Variants in TBC1D14 observed in about 807,000 individuals in gnomAD.
The protein encoded by TBC1D14 is TBC1 domain family member 14.
TBC1D14 carries 26 observed loss-of-function variants against 79.0 expected under a neutral mutation model. The ratio of observed to expected loss-of-function variants is 0.33; its 90% CI spans 0.24 to 0.46. The LOEUF is 0.46. TBC1D14 is among the 20% of genes least tolerant of loss of function. The probability of loss-of-function intolerance (pLI) is 1.00; values close to 1 mark genes in which losing one functional copy is unlikely to be tolerated. For missense variants in TBC1D14, 769 were observed against 887.6 expected, an observed-to-expected ratio of 0.87 and a Z score of 1.70; for synonymous variants, 394 against 349.9, an observed-to-expected ratio of 1.13 and a Z score of -1.40.
chr4:6,958,581 T>C (rs1714887687), intron 2 of TBC1D14, among the ~76,000 whole-genome samples: 1 of 152,028 alleles, frequency 6.6e-6, no homozygotes, highest in Non-Finnish European at 1.5e-5. Context: ...AGGTGTGCAC[T>C]ACCACGCCTG....
rs957371123 is a variant in TBC1D14 at position 7,032,072 on chromosome 4, G to C, written c.*1680G>C. 1.3e-5 allele frequency: 2 copies of C among 152,502 alleles called. No homozygotes were observed. Among genetic ancestry groups the C allele is most frequent in the African/African-American group, 4.8e-5 (2 of 41,418 alleles). The allele number at this position is 152,502 out of a possible 1,614,324, so 9.4% of individuals were successfully genotyped here. ...TACATCTCAGCTGAATCTCCAGGGA[G>C]GCTGCAGAGCATCGTGGAGACCACT... On this transcript the variant is annotated 3_prime_UTR_variant, in exon 14 of 14. Coordinates refer to ENST00000409757, the MANE Select transcript of TBC1D14 (RefSeq NM_020773.3).
intron 2 of TBC1D14, among the ~76,000 whole-genome samples, chr4:6,929,241 T>C (rs4323102): frequency 0.55 from 83,187 of 151,858 alleles, 22,975 homozygotes; most frequent in East Asian, 0.68. Context: ...GTTTGCAGAA[T>C]GAGCTGAGGG....
At chr4:7,016,365 C>T (rs1422747427) in intron 12 of TBC1D14, among the ~76,000 whole-genome samples, 1 of 152,234 alleles carries the variant, frequency 6.6e-6, no homozygotes, top group Non-Finnish European at 1.5e-5. Flanking sequence ...ATTTTCTTCA[C>T]AGCTGTGAAC....
At chr4:6,987,223 C>A (rs1024803635) in intron 3 of TBC1D14, 3 of 1,245,358 alleles carry the variant, frequency 2.4e-6, no homozygotes, top group Non-Finnish European at 3.0e-6. Flanking sequence ...CGCCCCGCCC[C>A]GCGAGTCTGA....
chr4:6,922,753 C>T (rs1408536456), intron 1 of TBC1D14, among the ~76,000 whole-genome samples: 1 of 152,158 alleles, frequency 6.6e-6, no homozygotes, highest in Admixed American at 6.5e-5. Context: ...AAAAACCCAA[C>T]CGCCGCCCCC....
rs372143068 is a variant in TBC1D14, at chr4:7,001,098, G to A, written c.1164-47G>A. ...GGGCTAGGCACGCAGGTAGACAAAT[G>A]TCTTTGTGTGGAACAAACTCAAACT... On this transcript the variant is annotated intron_variant, in intron 6 of 13. Coordinates refer to ENST00000409757, the MANE Select transcript of TBC1D14 (RefSeq NM_020773.3). 35 of 1,552,102 alleles carry A rather than the reference G, an allele frequency of 2.3e-5. No homozygotes were observed. The African/African-American group carries it at 4.3e-4, about 19-fold the overall frequency.
intron 1 of TBC1D14, among the ~76,000 whole-genome samples, chr4:6,919,941 G>A (rs1318639809): frequency 1.3e-5 from 2 of 152,158 alleles, no homozygotes; most frequent in Admixed American, 6.5e-5. Flanking sequence ...TTGAAATAGC[G>A]TCTCGCTGTG....
At chr4:6,938,995 G>C (rs1300994767) in intron 2 of TBC1D14, among the ~76,000 whole-genome samples, 1 of 152,180 alleles carries the variant, frequency 6.6e-6, no homozygotes, top group East Asian at 1.9e-4. Context: ...CCTGAGTGCT[G>C]CATGGGAAAG....
intron 2 of TBC1D14, among the ~76,000 whole-genome samples, chr4:6,948,707 G>GTT (rs71173474): frequency 0.022 from 2,955 of 135,324 alleles, 102 homozygotes; most frequent in African/African-American, 0.075. Flanking sequence ...GGGGTACTTG[G>GTT]TTTTTTTTTT....
chr4:7,006,777 A>G, intron 9 of TBC1D14, 51 bp downstream of exon 9: 1 of 1,554,024 alleles, frequency 6.4e-7, no homozygotes, highest in Non-Finnish European at 8.9e-7. Flanking sequence ...TAAAATTCAT[A>G]GATGCTGAAC....
At chr4:6,976,894 A>C (rs1716757915) in intron 3 of TBC1D14, among the ~76,000 whole-genome samples, 1 of 152,076 alleles carries the variant, frequency 6.6e-6, no homozygotes, top group African/African-American at 2.4e-5. Context: ...GGTGACTTAA[A>C]ACACCATAAA....
chr4:6,946,953 C>T (rs1336194469), intron 2 of TBC1D14, among the ~76,000 whole-genome samples: 1 of 152,218 alleles, frequency 6.6e-6, no homozygotes, highest in African/African-American at 2.4e-5. Context: ...GTCCTCCTCT[C>T]CTCTTTTCCT....
intron 3 of TBC1D14, chr4:6,987,029 G>C (rs2109118647): frequency 4.7e-6 from 2 of 422,338 alleles, no homozygotes; most frequent in Non-Finnish European, 7.2e-6. Context: ...CTGTCGGCGC[G>C]CGTCCCCGGT....
intron 8 of TBC1D14, among the ~76,000 whole-genome samples, chr4:7,005,912 A>C (rs1266646170): frequency 6.6e-6 from 1 of 152,232 alleles, no homozygotes; most frequent in Non-Finnish European, 1.5e-5. Context: ...TGCCTTTAGA[A>C]TTCTCCATAA....
intron 2 of TBC1D14, among the ~76,000 whole-genome samples, chr4:6,937,945 C>T (rs532759912): frequency 1.4e-4 from 22 of 152,200 alleles, no homozygotes; most frequent in African/African-American, 3.9e-4. Flanking sequence ...AGGCTCCCCC[C>T]GGGGCCGTTG....
intron 2 of TBC1D14, among the ~76,000 whole-genome samples, chr4:6,941,315 A>G (rs959871294): frequency 2.7e-5 from 4 of 150,486 alleles, no homozygotes; most frequent in African/African-American, 9.8e-5. Context: ...CCTCCCGGGT[A>G]GCTGGGACTA....
intron 1 of TBC1D14, among the ~76,000 whole-genome samples, chr4:6,915,625 G>A (rs1170099519): frequency 6.6e-6 from 1 of 152,100 alleles, no homozygotes; most frequent in East Asian, 1.9e-4. Flanking sequence ...GGCTGCTGAG[G>A]GGCTGTGAGG....
chr4:6,947,907 A>G lies in TBC1D14; in HGVS notation c.723-19397A>G, dbSNP rs1577071451. On this transcript the variant is annotated intron_variant, in intron 2 of 13. Transcript: ENST00000409757. ...TTCTATCTGGCAGGTTTTATGTCAG[A>G]CCTTGGGGATACAAAGACCAAGTAG... Among the ~76,000 whole-genome samples, 5 of 152,272 alleles carry G rather than the reference A, an allele frequency of 3.3e-5. 1 individual carries two copies. Among genetic ancestry groups the G allele is most frequent in the Admixed American group, 3.3e-4 (5 of 15,284 alleles).
intron 3 of TBC1D14, among the ~76,000 whole-genome samples, chr4:6,989,203 C>A (rs1010070113): frequency 6.6e-6 from 1 of 152,104 alleles, no homozygotes; most frequent in Non-Finnish European, 1.5e-5. Context: ...GCAGATCACA[C>A]GTGGAATGTA....
Sources: gnomAD v4.1 joint callset for allele counts (sites outside exome capture counted in the v4.1 genomes callset) on GRCh38, gnomAD v4.1.1 for gene constraint, MANE v1.5 for transcripts, NCBI Gene and HGNC (gene_info 2026-07-23, HGNC 2026-07-21) for gene names.